Variants in PDE4A observed in about 807,000 individuals in gnomAD.
PDE4A encodes the protein 3',5'-cyclic-AMP phosphodiesterase 4A.
PDE4A carries 21 observed loss-of-function variants against 73.9 expected under a neutral mutation model. The observed-to-expected ratio is 0.28, with a 90% confidence interval of 0.20 to 0.41. The LOEUF (loss-of-function observed/expected upper bound fraction) is 0.41, where lower values mean the gene tolerates loss of function less well. Ranked by LOEUF, PDE4A falls within the 10% of genes least tolerant of loss-of-function variation. The pLI is 1.00. For synonymous variants in PDE4A, 463 were observed against 505.4 expected (o/e 0.92, Z 1.13); for missense variants, 958 against 1,211.4 (o/e 0.79, Z 3.10).
chr19:10,431,864 T>A (rs1471678455), intron 1 of PDE4A, among the ~76,000 whole-genome samples: 3 of 151,766 alleles, frequency 2.0e-5, no homozygotes, highest in Non-Finnish European at 2.9e-5. Flanking sequence ...AATCGTTGCT[T>A]CTCTCCGGGT....
chr19:10,453,414 G>A lies in PDE4A; in HGVS notation c.784-1415G>A, dbSNP rs2043125029. On this transcript the variant is annotated intron_variant, in intron 6 of 14. Transcript: ENST00000380702. This position sits in a 1 kb window ranked among gnomAD's most constrained non-coding sequence, Gnocchi z 4.6. Reference sequence around the variant, plus strand: ...GGCTTGTGTGTGCAGCTGTGCACGTGTGTGGCCTGGAGATGAAGCCTTGTG... The same window carrying A: ...GGCTTGTGTGTGCAGCTGTGCACGTATGTGGCCTGGAGATGAAGCCTTGTG... 2 of 1,465,588 alleles carry A rather than the reference G, an allele frequency of 1.4e-6. No individual in the cohort carries two copies. The highest frequency in any genetic ancestry group is 1.3e-5 in the South Asian group (1 of 76,950). 90.8% of individuals were successfully genotyped at this position (1,465,588 alleles called of 1,614,324 possible).
intron 1 of PDE4A, among the ~76,000 whole-genome samples, chr19:10,437,411 C>CGTG (rs1443630612): frequency 1.3e-5 from 2 of 151,676 alleles, no homozygotes; most frequent in Admixed American, 1.3e-4. Flanking sequence ...CGTAAGCCAC[C>CGTG]GTGCCCGGCC....
At chr19:10,427,695 C>T (rs1490469006) in intron 1 of PDE4A, 2 of 959,604 alleles carry the variant, frequency 2.1e-6, no homozygotes, top group African/African-American at 3.5e-5. Context: ...TTGGGAGACC[C>T]TAGCCAAGTC....
chr19:10,417,922 G>C, upstream of PDE4A: 1 of 1,505,346 alleles, frequency 6.6e-7, no homozygotes, highest in Non-Finnish European at 8.9e-7. Context: ...GTGCCAACTG[G>C]GCTAGGTCCA....
intron 13 of PDE4A, among the ~76,000 whole-genome samples, chr19:10,462,407 C>T (rs1272532855): frequency 4.0e-5 from 6 of 151,452 alleles, no homozygotes; most frequent in Admixed American, 1.3e-4. Context: ...CCCCGCCCCC[C>T]GCCTTGGCCT....
chr19:10,452,860 TTA>T, intron 6 of PDE4A: 1 of 369,496 alleles, frequency 2.7e-6, no homozygotes, highest in Non-Finnish European at 3.8e-6. Context: ...TGATGCCCCT[TTA>T]ATACCCCCCC....
chr19:10,441,988 G>A (rs564317543), intron 1 of PDE4A, among the ~76,000 whole-genome samples: 133 of 152,162 alleles, frequency 8.7e-4, no homozygotes, highest in Non-Finnish European at 6.3e-4. Flanking sequence ...ACCACGCCCT[G>A]CCTTGAGTTA....
At chr19:10,427,724 G>T (rs1160045995) in intron 1 of PDE4A, 22 of 949,100 alleles carry the variant, frequency 2.3e-5, no homozygotes, top group Non-Finnish European at 2.8e-5. Flanking sequence ...CTGGGCCTTG[G>T]CTTCCCCGTC....
In PDE4A at chr19:10,427,993, C is replaced by CA. The variant is rs5827099; in HGVS notation, c.320+6928dup. On this transcript the variant is annotated intron_variant, in intron 1 of 14. Coordinates refer to ENST00000380702, the MANE Select transcript of PDE4A (RefSeq NM_001111307.2). ...TCTGGGTGACAGAGTGAGACCCTGT[C>CA]AAAAAAAAAAAAAAAAAAAGAATAT... is the stretch of plus-strand genomic sequence containing the variant. 181 of 107,916 alleles carry CA rather than the reference C, an allele frequency of 1.7e-3. 1 individual carries two copies. The highest frequency in any genetic ancestry group is 4.6e-3 in the Middle Eastern group (1 of 218). 6.7% of individuals were successfully genotyped at this position (107,916 alleles called of 1,614,324 possible).
chr19:10,421,590 C>A (rs531040373), intron 1 of PDE4A, among the ~76,000 whole-genome samples: 10 of 152,202 alleles, frequency 6.6e-5, no homozygotes, highest in African/African-American at 2.2e-4. Context: ...TTAGTGGACT[C>A]CTCCTGCAGC....
At chr19:10,464,005 A>C in intron 14 of PDE4A, 30 bp downstream of exon 14, 4 of 1,613,354 alleles carry the variant, frequency 2.5e-6, no homozygotes, top group South Asian at 1.1e-5. Flanking sequence ...ATGGACGGGC[A>C]CAGGGTGAGT....
In PDE4A at chr19:10,468,489, G is replaced by A. The variant is rs1189379454; in HGVS notation, c.*868G>A. ...GTGGCTCTGATCCACTCACCCCCCCGCCCCCCGCCCCACTTCTAGCTGCTT... is the reference window on the plus strand; with the variant it reads ...GTGGCTCTGATCCACTCACCCCCCCACCCCCCGCCCCACTTCTAGCTGCTT... On this transcript the variant is annotated 3_prime_UTR_variant, in exon 15 of 15. Coordinates refer to ENST00000380702, the MANE Select transcript of PDE4A (RefSeq NM_001111307.2). 1.4e-4 allele frequency: 7 copies of A among 50,650 alleles called. No homozygotes were observed. In the East Asian group the frequency reaches 2.9e-3, roughly 21 times the overall value. The allele number at this position is 50,650 out of a possible 1,614,324, so 3.1% of individuals were successfully genotyped here. A position where few individuals can be genotyped will look rare whatever the true frequency, so the allele number is the denominator to read the frequency against.
rs2043207661 is a variant in PDE4A at position 10,458,549 on chromosome 19, G to A, written c.1101+447G>A. Among the ~76,000 whole-genome samples, 1 of 152,334 alleles carries A rather than the reference G, an allele frequency of 6.6e-6. No individual in the cohort carries two copies. The highest frequency in any genetic ancestry group is 2.1e-4 in the South Asian group (1 of 4,824). Reference sequence around the variant, plus strand: ...GTGGCTCACTCAGCTGAGGCTTATTGTAACCCTCTTTGAGCCACCTCCTCC... The same window carrying A: ...GTGGCTCACTCAGCTGAGGCTTATTATAACCCTCTTTGAGCCACCTCCTCC... On this transcript the variant is annotated intron_variant, in intron 8 of 14. Transcript: ENST00000380702. The surrounding 1 kb of genome is among the most constrained non-coding windows in gnomAD (Gnocchi z 4.6).
At chr19:10,444,109 G>C (rs1037016241) in intron 1 of PDE4A, among the ~76,000 whole-genome samples, 1 of 151,076 alleles carries the variant, frequency 6.6e-6, no homozygotes, top group Non-Finnish European at 1.5e-5. Context: ...GGCTGGGCAC[G>C]GTGGCTCACG....
At chr19:10,461,723 G>T in intron 12 of PDE4A, 43 bp downstream of exon 12, 1 of 1,607,464 alleles carries the variant, frequency 6.2e-7, no homozygotes. Flanking sequence ...AGGAAGCCTA[G>T]GAGTCGAGGG....
intron 4 of PDE4A, 131 bp downstream of exon 4, chr19:10,449,281 A>C: frequency 1.1e-6 from 1 of 903,280 alleles, no homozygotes. Context: ...AACAGCTCCC[A>C]GAAAGCCAGA....
chr19:10,441,623 G>T (rs973188115), intron 1 of PDE4A, among the ~76,000 whole-genome samples: 6 of 151,484 alleles, frequency 4.0e-5, no homozygotes. Flanking sequence ...CTAATGTCAT[G>T]AAGCTGCTAA....
intron 1 of PDE4A, among the ~76,000 whole-genome samples, chr19:10,425,984 CAAAAAAAAAAA>C (rs1168197109): frequency 0.38 from 18,214 of 47,866 alleles, 1,513 homozygotes; most frequent in East Asian, 0.6. Context: ...GAGACCCTGT[CAAAAAAAAAAA>C]AAAAAAAAAA....
At chr19:10,419,181 CG>C (rs1307082126), upstream of PDE4A, 1 of 585,230 alleles carries the variant, frequency 1.7e-6, no homozygotes, top group Non-Finnish European at 2.1e-6. Context: ...GTCTGGTCCC[CG>C]GGTCCCGCAG....
Sources: gnomAD v4.1 joint callset for allele counts (sites outside exome capture counted in the v4.1 genomes callset) on GRCh38, gnomAD v4.1.1 for gene constraint, Gnocchi (gnomAD v3.1) non-coding constraint, MANE v1.5 for transcripts, NCBI Gene and HGNC (gene_info 2026-07-23, HGNC 2026-07-21) for gene names.